The following LRRN2 variants were observed in gnomAD, a reference collection of about 807,000 sequenced individuals.
LRRN2 encodes the protein leucine rich repeat neuronal 2, also known as leucine-rich repeat neuronal protein 2.
In LRRN2, 10 loss-of-function variants were observed where a neutral mutation model predicts 35.7. The ratio of observed to expected loss-of-function variants is 0.28; its 90% confidence interval spans 0.17 to 0.47. The LOEUF (loss-of-function observed/expected upper bound fraction) is 0.47, where lower values mean the gene tolerates loss of function less well. Ranked by LOEUF, LRRN2 falls within the 20% of genes least tolerant of loss-of-function variation. The pLI is 0.99. For synonymous variants in LRRN2, 391 were observed against 409.6 expected, an observed-to-expected ratio of 0.95 and a Z score of 0.55; for missense variants, 731 against 940.3, an observed-to-expected ratio of 0.78 and a Z score of 2.91.
At chr1:204,666,703 G>A (rs1400276491) in intron 1 of LRRN2, among the ~76,000 whole-genome samples, 3 of 152,294 alleles carry the variant, frequency 2.0e-5, no homozygotes, top group African/African-American at 7.2e-5. Context: ...GCTCATGCCT[G>A]TAATCCCAGC....
At position 204,642,658 on chromosome 1, in the gene LRRN2, C is replaced by T. The variant is rs557554989; in HGVS notation, c.-226-22440G>A. Among the ~76,000 whole-genome samples, 174 of 152,312 alleles carry T rather than the reference C, an allele frequency of 1.1e-3. 2 individuals are homozygous for T. Among genetic ancestry groups the T allele is most frequent in the African/African-American group, 4.0e-3 (167 of 41,570 alleles). On this transcript the variant is annotated intron_variant, in intron 1 of 1. Transcript: ENST00000367177. ...CTCTGCAGCCAGCAGGGACCATGTCCGGCAGGACTCATCCCTACACGGGAT... is the reference window on the plus strand; with the variant it reads ...CTCTGCAGCCAGCAGGGACCATGTCTGGCAGGACTCATCCCTACACGGGAT...
At chr1:204,656,945 T>G (rs954993126) in intron 1 of LRRN2, among the ~76,000 whole-genome samples, 1 of 152,206 alleles carries the variant, frequency 6.6e-6, no homozygotes, top group African/African-American at 2.4e-5. Flanking sequence ...AAGAACTTGT[T>G]CTCTGCATCT....
intron 1 of LRRN2, among the ~76,000 whole-genome samples, chr1:204,674,157 G>A (rs1388732782): frequency 6.6e-6 from 1 of 152,062 alleles, no homozygotes; most frequent in Non-Finnish European, 1.5e-5. Context: ...CCTCAGGGAG[G>A]GGAGGCCCTG....
At position 204,620,168 on chromosome 1, in the gene LRRN2, C is replaced by A; in HGVS notation, c.-176G>T. ...CCTCAATATGCCTTCTCTTCCTTGT[C>A]CTCTGGGGCTGGGCCTGCTCAGTCA... On this transcript the variant is annotated 5_prime_UTR_variant, in exon 2 of 2. Transcript: ENST00000367177. 1 of 1,450,438 alleles carries A rather than the reference C, an allele frequency of 6.9e-7. No homozygotes were observed. The highest frequency in any genetic ancestry group is 9.1e-7 in the Non-Finnish European group (1 of 1,100,514). The allele number at this position is 1,450,438 out of a possible 1,614,324, so 89.8% of individuals were successfully genotyped here.
At chr1:204,636,506 C>T (rs1042316573) in intron 1 of LRRN2, among the ~76,000 whole-genome samples, 2 of 152,260 alleles carry the variant, frequency 1.3e-5, no homozygotes, top group East Asian at 1.9e-4. Context: ...AAGGCCAAGG[C>T]GGGAGGTTTG....
rs1388319378 is a variant in LRRN2, at chr1:204,619,593, C to T, written c.400G>A (p.Asp134Asn). The change falls in exon 2 of 2, where the codon GAC (aspartate) becomes AAC (asparagine). Residue 134 changes from aspartate (D) to asparagine (N), a missense_variant. Asp to Asn is a conservative substitution (Grantham distance 23). Coordinates refer to ENST00000367177, the MANE Select transcript of LRRN2 (RefSeq NM_201630.2). ...CTGGCCAGCCCTGCAAAGCTGTGGT[C>T]CTCCAGCCGGGTCAGCTGGTTCTCC... ...LEENQLTRLE[D>N]HSFAGLASLQ... 1 of 1,614,144 alleles carries T rather than the reference C, an allele frequency of 6.2e-7. No homozygotes were observed. The highest frequency in any genetic ancestry group is 8.5e-7 in the Non-Finnish European group (1 of 1,180,026).
rs1054812974 is a variant in LRRN2 at position 204,635,439 on chromosome 1, T to A, written c.-226-15221A>T. On this transcript the variant is annotated intron_variant, in intron 1 of 1. Coordinates refer to ENST00000367177, the MANE Select transcript of LRRN2 (RefSeq NM_201630.2). ...TGTCATCCTAGCTCATGGAGAGAGG[T>A]CAGGACTACTCTGGGGCTTTGCTCA... is the stretch of plus-strand genomic sequence containing the variant. Among the ~76,000 whole-genome samples the A allele has an allele frequency of 3.3e-5, 5 of 151,982 alleles. No homozygotes were observed. In the East Asian group the frequency reaches 7.7e-4, roughly 23 times the overall value.
At chr1:204,643,067 T>C (rs1412616733) in intron 1 of LRRN2, among the ~76,000 whole-genome samples, 1 of 152,148 alleles carries the variant, frequency 6.6e-6, no homozygotes, top group East Asian at 1.9e-4. Context: ...AAGCTCTCAC[T>C]TTGGTCAGTG....
chr1:204,642,009 T>G (rs1667988866), intron 1 of LRRN2, among the ~76,000 whole-genome samples: 1 of 152,120 alleles, frequency 6.6e-6, no homozygotes, highest in Non-Finnish European at 1.5e-5. Context: ...TGAGTGCATG[T>G]GTGTGTTAGG....
At chr1:204,621,819 T>A (rs1252450129) in intron 1 of LRRN2, 1 of 167,144 alleles carries the variant, frequency 6.0e-6, no homozygotes, top group East Asian at 1.9e-4. Context: ...GTCTGACTCC[T>A]GAGTGGAAGT....
At chr1:204,677,709 G>A (rs916709095) in intron 1 of LRRN2, among the ~76,000 whole-genome samples, 1 of 152,146 alleles carries the variant, frequency 6.6e-6, no homozygotes, top group African/African-American at 2.4e-5. Context: ...CTGGGACAAC[G>A]GCCGGAGCTG....
intron 1 of LRRN2, among the ~76,000 whole-genome samples, chr1:204,684,591 CGGCCCACCT>C (rs1392328734): frequency 1.3e-5 from 2 of 152,198 alleles, no homozygotes; most frequent in Non-Finnish European, 2.9e-5. Context: ...GCAGGACAGA[CGGCCCACCT>C]GTGGCTGGCC....
chr1:204,678,921 T>C (rs892416202), intron 1 of LRRN2, among the ~76,000 whole-genome samples: 1 of 152,150 alleles, frequency 6.6e-6, no homozygotes, highest in South Asian at 2.1e-4. Flanking sequence ...AACTAAAAGC[T>C]CCTGAAGGGC....
chr1:204,669,722 G>C (rs1668666358), intron 1 of LRRN2, among the ~76,000 whole-genome samples: 1 of 130,666 alleles, frequency 7.7e-6, no homozygotes, highest in Non-Finnish European at 1.7e-5. Flanking sequence ...AGGCCATGAG[G>C]CCAAAAGGAG....
chr1:204,629,642 C>T, intron 1 of LRRN2: 1 of 177,174 alleles, frequency 5.6e-6, no homozygotes, highest in Non-Finnish European at 1.2e-5. Flanking sequence ...CCTTTCACCT[C>T]CTGCCATGAT....
chr1:204,642,007 T>A (rs556782100), intron 1 of LRRN2, among the ~76,000 whole-genome samples: 27 of 152,262 alleles, frequency 1.8e-4, no homozygotes, highest in African/African-American at 6.0e-4. Flanking sequence ...CGTGAGTGCA[T>A]GTGTGTGTTA....
chr1:204,626,791 A>G (rs756476457), intron 1 of LRRN2: 5 of 152,194 alleles, frequency 3.3e-5, no homozygotes, highest in Non-Finnish European at 7.3e-5. Flanking sequence ...GGTCATGAAA[A>G]CAATTTAACG....
chr1:204,626,942 CTTTTT>C (rs1161873175), intron 1 of LRRN2: 1 of 144,210 alleles, frequency 6.9e-6, no homozygotes, highest in African/African-American at 2.7e-5. Flanking sequence ...AAGGCTTTTT[CTTTTT>C]TCTTTTTCTT....
chr1:204,669,308 C>A (rs1038240751), intron 1 of LRRN2, among the ~76,000 whole-genome samples: 14 of 152,196 alleles, frequency 9.2e-5, no homozygotes, highest in African/African-American at 3.4e-4. Context: ...CAAGGAATAG[C>A]TTTCCTTTCG....
Sources: allele counts gnomAD v4.1 joint callset (sites outside exome capture counted in the v4.1 genomes callset), GRCh38; gene constraint gnomAD v4.1.1; transcripts MANE v1.5; gene names NCBI Gene and HGNC (gene_info 2026-07-23, HGNC 2026-07-21).